DNAJA2: variants seen among roughly 807,000 people sequenced by gnomAD.
DNAJA2 encodes dnaJ homolog subfamily A member 2.
A neutral mutation model predicts 49.3 loss-of-function variants in DNAJA2; 6 were observed. That is an observed-to-expected ratio of 0.12 (90% confidence interval 0.07 to 0.24). The LOEUF is 0.24. Ranked by LOEUF, DNAJA2 falls within the 10% of genes least tolerant of loss-of-function variation. The probability of loss-of-function intolerance (pLI) is 1.00; values close to 1 mark genes in which losing one functional copy is unlikely to be tolerated. For synonymous variants in DNAJA2, 160 were observed against 172.7 expected, an observed-to-expected ratio of 0.93 and a Z score of 0.58; for missense variants, 347 against 516.8, an observed-to-expected ratio of 0.67 and a Z score of 3.19.
chr16:46,968,358 C>T (rs919138745), intron 3 of DNAJA2, among the ~76,000 whole-genome samples, 194 bp from the exon 4 acceptor site: 2 of 152,168 alleles, frequency 1.3e-5, no homozygotes, highest in African/African-American at 4.8e-5. Context: ...TTTATGACTA[C>T]AGACAGTACA....
chr16:46,973,013 G>C (rs1212891255), intron 1 of DNAJA2: 2 of 151,792 alleles, frequency 1.3e-5, no homozygotes, highest in East Asian at 3.9e-4. Flanking sequence ...GCGCTCTGTG[G>C]GGGCGGCCTC....
chr16:46,959,036 A>G lies in DNAJA2; in HGVS notation c.1014T>C (p.Pro338=). The change falls in exon 8 of 9, where the codon CCT becomes CCC. Residue 338 remains proline (P), a synonymous_variant. Transcript: ENST00000317089. ...TGTCTGGGTTGATCCAGTTGTTTTC[A>G]GGAAACTGCACATCAAACTTTATGT... is the stretch of plus-strand genomic sequence containing the variant. ...DLYIKFDVQF[P]ENNWINPDKL... 6.2e-7 allele frequency: 1 copy of G among 1,608,812 alleles called. No individual in the cohort carries two copies. Among genetic ancestry groups the G allele is most frequent in the Non-Finnish European group, 8.5e-7 (1 of 1,178,626 alleles).
Position 46,956,397 on chromosome 16 carries a change from G to A in DNAJA2, c.*632C>T, listed in dbSNP as rs1245504707. 2.5e-4 allele frequency: 36 copies of A among 144,544 alleles called. No homozygotes were observed. Among genetic ancestry groups the A allele is most frequent in the Non-Finnish European group, 4.5e-4 (30 of 66,984 alleles). 9.0% of individuals were successfully genotyped at this position (144,544 alleles called of 1,614,324 possible). On this transcript the variant is annotated 3_prime_UTR_variant, in exon 9 of 9. Coordinates refer to ENST00000317089, the MANE Select transcript of DNAJA2 (RefSeq NM_005880.4). ...CACAAAAGAATAATTTACACCAACC[G>A]CTTTTTATTATCGAGTTTCAGAAAC... is the stretch of plus-strand genomic sequence containing the variant.
At chr16:46,968,635 T>G (rs1362583524) in intron 3 of DNAJA2, among the ~76,000 whole-genome samples, 1 of 152,134 alleles carries the variant, frequency 6.6e-6, no homozygotes, top group Non-Finnish European at 1.5e-5. Context: ...GTTTCCTCCA[T>G]GGACAATTTA....
chr16:46,956,365 A>G lies in DNAJA2; in HGVS notation c.*664T>C, dbSNP rs936229168. On this transcript the variant is annotated 3_prime_UTR_variant, in exon 9 of 9. Transcript: ENST00000317089. ...ATTCTTTTATGTTTTTCCTTCTAAA[A>G]ATGTGACACAAAAGAATAATTTACA... 1.3e-5 allele frequency: 2 copies of G among 152,386 alleles called. No homozygotes were observed. Among genetic ancestry groups the G allele is most frequent in the Admixed American group, 6.5e-5 (1 of 15,292 alleles). The allele number at this position is 152,386 out of a possible 1,614,324, so 9.4% of individuals were successfully genotyped here.
At position 46,956,119 on chromosome 16, in the gene DNAJA2, A is replaced by C. The variant is rs890146151; in HGVS notation, c.*910T>G. 5.3e-5 allele frequency: 8 copies of C among 152,146 alleles called. No individual in the cohort carries two copies. Among genetic ancestry groups the C allele is most frequent in the African/African-American group, 1.7e-4 (7 of 41,436 alleles). 9.4% of individuals were successfully genotyped at this position (152,146 alleles called of 1,614,324 possible). A position where few individuals can be genotyped will look rare whatever the true frequency, so the allele number is the denominator to read the frequency against. ...AGATTTGCTGTTACCTTATTTTTTT[A>C]AGGGGGTGGTGGTAGGGAGATACAG... On this transcript the variant is annotated 3_prime_UTR_variant, in exon 9 of 9. Coordinates refer to ENST00000317089, the MANE Select transcript of DNAJA2 (RefSeq NM_005880.4).
chr16:46,958,847 G>A (rs928762310), intron 8 of DNAJA2, 156 bp downstream of exon 8: 2 of 762,030 alleles, frequency 2.6e-6, no homozygotes, highest in Non-Finnish European at 4.0e-6. Context: ...TGGGGGCTGA[G>A]GTGAGAGGAT....
intron 5 of DNAJA2, among the ~76,000 whole-genome samples, chr16:46,966,387 C>T (rs902386321): frequency 3.3e-5 from 5 of 152,130 alleles, no homozygotes; most frequent in African/African-American, 1.2e-4. Flanking sequence ...CCACTATCAA[C>T]CTGTAGCTAC....
At chr16:46,970,778 C>T (rs1596659092) in intron 3 of DNAJA2, among the ~76,000 whole-genome samples, 2 of 135,974 alleles carry the variant, frequency 1.5e-5, no homozygotes, top group East Asian at 2.3e-4. Context: ...GTGGCTCACG[C>T]CTGTAATCCC....
intron 6 of DNAJA2, among the ~76,000 whole-genome samples, chr16:46,963,318 G>A (rs1454378741): frequency 6.6e-6 from 1 of 152,034 alleles, no homozygotes; most frequent in Admixed American, 6.6e-5. Context: ...TTTGAGTAGG[G>A]TCTACAGTAT....
intron 6 of DNAJA2, among the ~76,000 whole-genome samples, chr16:46,960,172 A>G (rs1420830788): frequency 6.6e-6 from 1 of 152,176 alleles, no homozygotes. Flanking sequence ...TTCTTTTCCT[A>G]TGTTACTCTC....
At chr16:46,971,798 A>G in intron 2 of DNAJA2, 98 bp downstream of exon 2, 1 of 1,100,158 alleles carries the variant, frequency 9.1e-7, no homozygotes, top group Non-Finnish European at 1.4e-6. Context: ...CTGTGTGGGC[A>G]TAGTTGGATT....
intron 8 of DNAJA2, among the ~76,000 whole-genome samples, chr16:46,957,823 C>T (rs1369705740): frequency 6.6e-6 from 1 of 152,106 alleles, no homozygotes; most frequent in African/African-American, 2.4e-5. Flanking sequence ...CACCAGCTTA[C>T]GATAAAGGGG....
Position 46,973,642 on chromosome 16 carries a change from GCGT to G in DNAJA2, c.-73_-71del. On this transcript the variant is annotated 5_prime_UTR_variant, in exon 1 of 9. Transcript: ENST00000317089. ...CAGAGCGGAGTCGGGCCCACAAGCG[GCGT>G]CGGCGGCGGCACAGGCCGAGGGAGA... 6.6e-7 allele frequency: 1 copy of G among 1,511,792 alleles called. No homozygotes were observed. Among genetic ancestry groups the G allele is most frequent in the Non-Finnish European group, 8.9e-7 (1 of 1,121,252 alleles). 93.6% of individuals were successfully genotyped at this position (1,511,792 alleles called of 1,614,324 possible).
chr16:46,971,947 T>C lies in DNAJA2; in HGVS notation c.87A>G (p.Arg29=). Residue 29 remains arginine (R), a synonymous_variant, in exon 2 of 9, where the codon AGA becomes AGG. Transcript: ENST00000317089. ...ASENELKKAY[R]KLAKEYHPDK... ...CAGGATGATATTCCTTGGCTAACTT[T>C]CTGTATGCCTTTGAAAATGGATAAA... The C allele has an allele frequency of 6.2e-7, 1 of 1,611,508 alleles. No individual in the cohort carries two copies. The highest frequency in any genetic ancestry group is 1.7e-5 in the Admixed American group (1 of 60,006).
intron 6 of DNAJA2, among the ~76,000 whole-genome samples, chr16:46,963,028 A>C (rs1426468120): frequency 2.0e-5 from 3 of 152,250 alleles, no homozygotes; most frequent in East Asian, 3.8e-4. Context: ...TTTAAATTAT[A>C]AATGATAATC....
intron 5 of DNAJA2, 126 bp downstream of exon 5, chr16:46,967,387 C>T: frequency 2.4e-6 from 3 of 1,262,918 alleles, no homozygotes; most frequent in South Asian, 1.6e-5. Context: ...GCTAACGCAC[C>T]CGGCCTCCTT....
At chr16:46,971,633 C>T in intron 2 of DNAJA2, 61 bp from the exon 3 acceptor site, 1 of 733,602 alleles carries the variant, frequency 1.4e-6, no homozygotes, top group Admixed American at 3.2e-5. Flanking sequence ...TGGGGAGAAG[C>T]TACAGGAATC....
chr16:46,962,071 A>G (rs1939154156), intron 6 of DNAJA2, among the ~76,000 whole-genome samples: 1 of 152,172 alleles, frequency 6.6e-6, no homozygotes, highest in Non-Finnish European at 1.5e-5. Flanking sequence ...TTAGACAACT[A>G]GCTACATCTG....
Sources: gnomAD v4.1 joint callset for allele counts (sites outside exome capture counted in the v4.1 genomes callset) on GRCh38, gnomAD v4.1.1 for gene constraint, MANE v1.5 for transcripts, NCBI Gene and HGNC (gene_info 2026-07-23, HGNC 2026-07-21) for gene names.